Variants in GLYATL3 observed in about 807,000 individuals in gnomAD.
GLYATL3 encodes the protein glycine N-acyltransferase-like protein 3.
In GLYATL3, 31 loss-of-function variants were observed where a neutral mutation model predicts 28.5. The ratio of observed to expected loss-of-function variants is 1.09; its 90% confidence interval spans 0.82 to 1.47. The LOEUF (loss-of-function observed/expected upper bound fraction) is 1.47, where lower values mean the gene tolerates loss of function less well. Among genes scored for constraint, GLYATL3 ranks in the 40% most tolerant of loss-of-function variants. The probability of loss-of-function intolerance (pLI) is 0.00; values close to 1 mark genes in which losing one functional copy is unlikely to be tolerated. For missense variants in GLYATL3, 369 were observed against 351.5 expected, an observed-to-expected ratio of 1.05 and a Z score of -0.40; for synonymous variants, 141 against 140.2, an observed-to-expected ratio of 1.01 and a Z score of -0.04.
chr6:49,509,940 TTTTCTTTCTCTTTC>T (rs375465613), intron 1 of GLYATL3, among the ~76,000 whole-genome samples: 9,754 of 124,554 alleles, frequency 0.078, 410 homozygotes, highest in Non-Finnish European at 0.1. Flanking sequence ...ATTTTACGTA[TTTTCTTTCTCTTTC>T]TTTCTTTCTT....
intron 5 of GLYATL3, 92 bp downstream of exon 5, chr6:49,521,863 T>G: frequency 8.9e-7 from 1 of 1,125,136 alleles, no homozygotes; most frequent in Non-Finnish European, 1.3e-6. Flanking sequence ...CACTATGGAA[T>G]ATCCAGGCAC....
chr6:49,501,617 A>T (rs1768914503), intron 1 of GLYATL3, among the ~76,000 whole-genome samples: 1 of 151,350 alleles, frequency 6.6e-6, no homozygotes, highest in Non-Finnish European at 1.5e-5. Context: ...CTTAAAACAG[A>T]AACACAGTCT....
rs1481037286 is a variant in GLYATL3, at chr6:49,515,708, T to C, written c.134T>C (p.Val45Ala). Residue 45 changes from valine to alanine, a missense_variant, in exon 3 of 6, where the codon GTG becomes GCG. Coordinates refer to ENST00000371197, the MANE Select transcript of GLYATL3 (RefSeq NM_001010904.2). ...GGGAACCCCTTTCAAAAGGAAGTGG[T>C]GTTGGATTCATGGCCGGATTTCAAA... is the stretch of plus-strand genomic sequence containing the variant. The part of the protein sequence containing the change: ...NRGNPFQKEV[V>A]LDSWPDFKAV... 6.4e-7 allele frequency: 1 copy of C among 1,551,386 alleles called. No homozygotes were observed. The highest frequency in any genetic ancestry group is 2.4e-5 in the East Asian group (1 of 40,888).
intron 1 of GLYATL3, 127 bp downstream of exon 1, chr6:49,500,169 AAGGAAAGATAT>A (rs1160981883): frequency 1.3e-5 from 2 of 152,186 alleles, no homozygotes; most frequent in Non-Finnish European, 2.9e-5. Context: ...ATTAGGTTTC[AAGGAAAGATAT>A]ATTTTGTTTT....
rs536488288 is a variant in GLYATL3 at position 49,521,473 on chromosome 6, A to G, written c.314-172A>G. On this transcript the variant is annotated intron_variant, in intron 4 of 5. Coordinates refer to ENST00000371197, the MANE Select transcript of GLYATL3 (RefSeq NM_001010904.2). The stretch of plus-strand genomic sequence containing the variant: ...ATTTGAAACGCCTACAAAAATTTGA[A>G]ACTTAGACAATAGCTGTAATAATTT... Among the ~76,000 whole-genome samples the G allele has an allele frequency of 5.3e-5, 8 of 152,314 alleles. No individual in the cohort carries two copies. In the South Asian group the frequency reaches 6.2e-4, roughly 12 times the overall value.
In GLYATL3 at chr6:49,527,250, C is replaced by T. The variant is rs1769438619; in HGVS notation, c.*336C>T. Among the ~76,000 whole-genome samples, 1 of 152,166 alleles carries T rather than the reference C, an allele frequency of 6.6e-6. No homozygotes were observed. Among genetic ancestry groups the T allele is most frequent in the Non-Finnish European group, 1.5e-5 (1 of 68,026 alleles). On this transcript the variant is annotated 3_prime_UTR_variant, in exon 6 of 6. Transcript: ENST00000371197. Reference sequence around the variant, plus strand: ...GAACAAATGATTTAACAGAGGACCACGTGGCTACTGCTTTTTGATTGCTGC... The same window carrying T: ...GAACAAATGATTTAACAGAGGACCATGTGGCTACTGCTTTTTGATTGCTGC...
chr6:49,516,278 G>A (rs1245016790), intron 3 of GLYATL3, among the ~76,000 whole-genome samples: 1 of 152,076 alleles, frequency 6.6e-6, no homozygotes. Context: ...ACTGGCTTCA[G>A]AGTGTCAGGA....
At chr6:49,520,861 A>G (rs1285090610) in intron 4 of GLYATL3, among the ~76,000 whole-genome samples, 1 of 152,144 alleles carries the variant, frequency 6.6e-6, no homozygotes, top group Admixed American at 6.5e-5. Flanking sequence ...CAAAAACAAA[A>G]CAAAACAAAA....
rs566958938 is a variant in GLYATL3, at chr6:49,521,513, A to G, written c.314-132A>G. On this transcript the variant is annotated intron_variant, in intron 4 of 5. Transcript: ENST00000371197. ...TGTAATAATTTAGATGTAAGTATAC[A>G]GTGGTTAGGATAATACAAGGTGGCA... The G allele has an allele frequency of 4.6e-6, 3 of 656,320 alleles. No individual in the cohort carries two copies. The East Asian group carries it at 8.3e-5, about 18-fold the overall frequency. The allele number at this position is 656,320 out of a possible 1,614,324, so 40.7% of individuals were successfully genotyped here.
At chr6:49,503,125 G>A (rs1294234234) in intron 1 of GLYATL3, among the ~76,000 whole-genome samples, 1 of 151,852 alleles carries the variant, frequency 6.6e-6, no homozygotes, top group Non-Finnish European at 1.5e-5. Flanking sequence ...AATGCATGGT[G>A]GGGGGAATAG....
At chr6:49,511,322 A>T (rs1769118468) in intron 1 of GLYATL3, among the ~76,000 whole-genome samples, 1 of 152,114 alleles carries the variant, frequency 6.6e-6, no homozygotes. Context: ...TTTTTCTTTA[A>T]TTTTATCAGG....
rs1411331221 is a variant in GLYATL3, at chr6:49,526,725, C to T, written c.678C>T (p.Tyr226=). The change falls in exon 6 of 6, where the codon TAC becomes TAT. Residue 226 remains tyrosine (Y), a synonymous_variant. Transcript: ENST00000371197. ...TGCCAGAACATCGCAGGAAAGGTTA[C>T]AGCCGGCTGGTGGCCCTCACGCTGG... is the stretch of plus-strand genomic sequence containing the variant. ...YTLPEHRRKG[Y]SRLVALTLAR... The T allele has an allele frequency of 3.2e-6, 5 of 1,551,762 alleles. No homozygotes were observed. Among genetic ancestry groups the T allele is most frequent in the Middle Eastern group, 1.7e-4 (1 of 5,990 alleles).
At chr6:49,503,316 C>T (rs764481039) in intron 1 of GLYATL3, among the ~76,000 whole-genome samples, 17 of 152,190 alleles carry the variant, frequency 1.1e-4, no homozygotes, top group Admixed American at 2.0e-4. Context: ...GGTGGATTTA[C>T]TTATAACACT....
At chr6:49,524,397 C>G (rs1006992863) in intron 5 of GLYATL3, among the ~76,000 whole-genome samples, 2 of 152,084 alleles carry the variant, frequency 1.3e-5, no homozygotes, top group African/African-American at 4.8e-5. Context: ...TATCTCTTAC[C>G]GGTCACTGGG....
rs13199703 is a variant in GLYATL3 at position 49,527,643 on chromosome 6, G to A, written c.*729G>A. Among the ~76,000 whole-genome samples the A allele has an allele frequency of 6.6e-6, 1 of 151,980 alleles. No individual in the cohort carries two copies. Among genetic ancestry groups the A allele is most frequent in the Non-Finnish European group, 1.5e-5 (1 of 67,994 alleles). ...TTGCCTTGGATGAATGACAATATGGGCATTTTGATGCTATAAACAAATGCT... is the reference window on the plus strand; with the variant it reads ...TTGCCTTGGATGAATGACAATATGGACATTTTGATGCTATAAACAAATGCT... On this transcript the variant is annotated 3_prime_UTR_variant, in exon 6 of 6. Transcript: ENST00000371197.
chr6:49,515,933 CT>C (rs1769208479), intron 3 of GLYATL3, among the ~76,000 whole-genome samples, 173 bp downstream of exon 3: 3 of 142,868 alleles, frequency 2.1e-5, no homozygotes, highest in Non-Finnish European at 1.5e-5. Context: ...CCTCCCTCCC[CT>C]CCCTCTCTCC....
intron 4 of GLYATL3, 98 bp from the exon 5 acceptor site, chr6:49,521,547 G>C: frequency 1.0e-6 from 1 of 971,752 alleles, no homozygotes; most frequent in Non-Finnish European, 1.5e-6. Flanking sequence ...CAAACTGCTA[G>C]TATTGATGAT....
At chr6:49,514,499 T>A (rs916506290) in intron 2 of GLYATL3, among the ~76,000 whole-genome samples, 5 of 152,214 alleles carry the variant, frequency 3.3e-5, no homozygotes, top group South Asian at 2.1e-4. Context: ...ATGTGACATA[T>A]GCAAGCTATT....
intron 3 of GLYATL3, 22 bp from the exon 4 acceptor site, chr6:49,517,408 G>A: frequency 6.7e-7 from 1 of 1,494,900 alleles, no homozygotes. Context: ...TTATGTTTTT[G>A]TGATTATGTC....
Sources: gnomAD v4.1 joint callset for allele counts (sites outside exome capture counted in the v4.1 genomes callset) on GRCh38, gnomAD v4.1.1 for gene constraint, MANE v1.5 for transcripts, NCBI Gene and HGNC (gene_info 2026-07-23, HGNC 2026-07-21) for gene names.